The following EPHB2 variants were observed in gnomAD, a reference collection of about 807,000 sequenced individuals.
EPHB2 encodes the protein EPH receptor B2.
A neutral mutation model predicts 96.4 loss-of-function variants in EPHB2; 18 were observed. The observed-to-expected ratio is 0.19, with a 90% confidence interval of 0.13 to 0.28. EPHB2 has a LOEUF of 0.28. Among genes scored for constraint, EPHB2 ranks in the 10% least tolerant of loss-of-function variants. EPHB2 has a pLI of 1.00. For synonymous variants in EPHB2, 506 were observed against 534.1 expected, an observed-to-expected ratio of 0.95 and a Z score of 0.72; for missense variants, 989 against 1,355.4, an observed-to-expected ratio of 0.73 and a Z score of 4.25.
intron 5 of EPHB2, among the ~76,000 whole-genome samples, chr1:22,865,966 CG>C (rs998273622): frequency 7.2e-5 from 11 of 152,024 alleles, no homozygotes; most frequent in African/African-American, 2.7e-4. Context: ...AGGAAGTTGC[CG>C]GCCACCACAG....
At position 22,875,837 on chromosome 1, in the gene EPHB2, G is replaced by A. The variant is rs938690275; in HGVS notation, c.1304-6522G>A. ...GCTACTGGAGGGGAGAGGTAGTTCA[G>A]GAGGGCATCTCGGAGGAGTTGACAT... On this transcript the variant is annotated intron_variant, in intron 5 of 15. Coordinates refer to ENST00000374630, the MANE Select transcript of EPHB2 (RefSeq NM_017449.5). The surrounding 1 kb of genome is among the most constrained non-coding windows in gnomAD (Gnocchi z 4.2). 2.6e-5 allele frequency among the ~76,000 whole-genome samples: 4 copies of A among 152,168 alleles called. No individual in the cohort carries two copies. The highest frequency in any genetic ancestry group is 4.8e-5 in the African/African-American group (2 of 41,438).
chr1:22,765,187 T>C (rs1199756293), intron 1 of EPHB2, among the ~76,000 whole-genome samples: 1 of 152,166 alleles, frequency 6.6e-6, no homozygotes, highest in Non-Finnish European at 1.5e-5. Context: ...TGAGGCTGTC[T>C]GTAGCATAGG....
chr1:22,799,706 C>T (rs927506948), intron 3 of EPHB2, among the ~76,000 whole-genome samples: 1 of 152,172 alleles, frequency 6.6e-6, no homozygotes, highest in African/African-American at 2.4e-5. Context: ...AAGTGGTTGT[C>T]ACTGAACACA....
chr1:22,878,338 C>A (rs1189481650), intron 5 of EPHB2, among the ~76,000 whole-genome samples: 3 of 152,230 alleles, frequency 2.0e-5, no homozygotes, highest in Non-Finnish European at 4.4e-5. Context: ...GAGCTCCATG[C>A]CACTTCTGAG....
chr1:22,764,050 T>G (rs192019365), intron 1 of EPHB2, among the ~76,000 whole-genome samples: 139 of 152,274 alleles, frequency 9.1e-4, no homozygotes, highest in African/African-American at 3.2e-3. Flanking sequence ...CGATTCCTAA[T>G]CTCATCTCAT....
intron 3 of EPHB2, among the ~76,000 whole-genome samples, chr1:22,800,771 G>GACAC (rs71666873): frequency 0.027 from 3,951 of 148,518 alleles, 57 homozygotes; most frequent in Non-Finnish European, 0.031. Flanking sequence ...GTGTGTATGT[G>GACAC]ACACACACAC....
chr1:22,792,838 A>G (rs1644713838), intron 3 of EPHB2, among the ~76,000 whole-genome samples: 1 of 152,004 alleles, frequency 6.6e-6, no homozygotes, highest in African/African-American at 2.4e-5. Flanking sequence ...GTGCAGGGGG[A>G]CTGGGGTTGT....
chr1:22,870,897 C>T (rs1343701695), intron 5 of EPHB2, among the ~76,000 whole-genome samples: 5 of 152,192 alleles, frequency 3.3e-5, no homozygotes, highest in South Asian at 2.1e-4. Context: ...TGGATAGCTT[C>T]GCCCTCTCCT....
At position 22,790,172 on chromosome 1, in the gene EPHB2, G is replaced by A. The variant is rs983519209; in HGVS notation, c.811+5096G>A. Among the ~76,000 whole-genome samples the A allele has an allele frequency of 1.2e-4, 19 of 152,158 alleles. No homozygotes were observed. Among genetic ancestry groups the A allele is most frequent in the African/African-American group, 4.6e-4 (19 of 41,438 alleles). ...AAGGTAGGGAGGAAGGGAATTGTAG[G>A]CAGAGAGAACTATACGAATAAAGGC... is the stretch of plus-strand genomic sequence containing the variant. On this transcript the variant is annotated intron_variant, in intron 3 of 15. Coordinates refer to ENST00000374630, the MANE Select transcript of EPHB2 (RefSeq NM_017449.5). This position sits in a 1 kb window ranked among gnomAD's most constrained non-coding sequence, Gnocchi z 4.0.
intron 3 of EPHB2, among the ~76,000 whole-genome samples, chr1:22,857,786 G>C (rs1192482901): frequency 6.6e-6 from 1 of 152,050 alleles, no homozygotes; most frequent in African/African-American, 2.4e-5. Flanking sequence ...GATTGTGATG[G>C]TACCTTGTAA....
intron 1 of EPHB2, among the ~76,000 whole-genome samples, chr1:22,766,839 A>G (rs553134562): frequency 9.3e-4 from 141 of 152,336 alleles, no homozygotes; most frequent in African/African-American, 3.1e-3. Context: ...GGCTGCTGCT[A>G]TCACCACCAA....
intron 1 of EPHB2, among the ~76,000 whole-genome samples, chr1:22,711,548 C>T (rs1047163282): frequency 1.3e-5 from 2 of 151,650 alleles, no homozygotes; most frequent in Non-Finnish European, 2.9e-5. Flanking sequence ...GGGCCCGGCG[C>T]CCCGGAGAGC....
At chr1:22,892,494 C>T (rs1403068166) in intron 6 of EPHB2, among the ~76,000 whole-genome samples, 1 of 152,168 alleles carries the variant, frequency 6.6e-6, no homozygotes, top group Non-Finnish European at 1.5e-5. Flanking sequence ...GGGTCATGGT[C>T]TCCTCCTGTT....
chr1:22,913,862 G>T lies in EPHB2; in HGVS notation c.*292G>T. 1 of 1,599,722 alleles carries T rather than the reference G, an allele frequency of 6.3e-7. No individual in the cohort carries two copies. The highest frequency in any genetic ancestry group is 2.2e-5 in the East Asian group (1 of 44,742). The stretch of plus-strand genomic sequence containing the variant: ...TAAGGAAAGCAATGACTGTTCTTGC[G>T]GGGGATAAAAAAGGGCTTGGGAGAT... On this transcript the variant is annotated 3_prime_UTR_variant, in exon 16 of 16. Coordinates refer to ENST00000374630, the MANE Select transcript of EPHB2 (RefSeq NM_017449.5). The surrounding 1 kb of genome is among the most constrained non-coding windows in gnomAD (Gnocchi z 4.1).
chr1:22,735,987 C>T (rs756079077), intron 1 of EPHB2, among the ~76,000 whole-genome samples: 1 of 152,202 alleles, frequency 6.6e-6, no homozygotes, highest in Non-Finnish European at 1.5e-5. Context: ...CTTACACCTA[C>T]ACGCTCTGTG....
chr1:22,861,793 A>C (rs1000588608), intron 3 of EPHB2, among the ~76,000 whole-genome samples: 7 of 151,964 alleles, frequency 4.6e-5, no homozygotes, highest in African/African-American at 1.7e-4. Flanking sequence ...AGCTGGAAAA[A>C]ATGAACTAGG....
rs531962879 is a variant in EPHB2, at chr1:22,766,752, C to T, written c.62-14669C>T. Among the ~76,000 whole-genome samples the T allele has an allele frequency of 8.5e-5, 13 of 152,268 alleles. No homozygotes were observed. The East Asian group carries it at 9.6e-4, about 11-fold the overall frequency. ...CAGCGTGGTGAGATGCTTGAGGTTC[C>T]GGGTCCAATTTGCCCTTTATAGGAA... On this transcript the variant is annotated intron_variant, in intron 1 of 15. Transcript: ENST00000374630.
intron 3 of EPHB2, among the ~76,000 whole-genome samples, chr1:22,808,212 G>A (rs1644954740): frequency 6.6e-6 from 1 of 152,134 alleles, no homozygotes; most frequent in African/African-American, 2.4e-5. Context: ...GTATCACTGG[G>A]CCCATTGTGG....
Position 22,808,143 on chromosome 1 carries a change from A to AG in EPHB2, c.811+23067_811+23068insG, listed in dbSNP as rs111777136. Among the ~76,000 whole-genome samples, 58 of 151,034 alleles carry AG rather than the reference A, an allele frequency of 3.8e-4. 1 individual carries two copies. The Middle Eastern group carries it at 0.01, about 27-fold the overall frequency. On this transcript the variant is annotated intron_variant, in intron 3 of 15. Coordinates refer to ENST00000374630, the MANE Select transcript of EPHB2 (RefSeq NM_017449.5). ...AGCAAGACTGTCACAAAAAAAAAAG[A>AG]AAAAGAAAAAGAAAAGAAAAGCAAA...
Sources: allele counts gnomAD v4.1 joint callset (sites outside exome capture counted in the v4.1 genomes callset), GRCh38; gene constraint gnomAD v4.1.1; non-coding constraint Gnocchi (gnomAD v3.1); transcripts MANE v1.5; gene names NCBI Gene and HGNC (gene_info 2026-07-23, HGNC 2026-07-21).